IGLL5: variants seen among roughly 807,000 people sequenced by gnomAD.
IGLL5 encodes immunoglobulin lambda like polypeptide 5.
In IGLL5, 30 loss-of-function variants were observed where a neutral mutation model predicts 20.9. That is an observed-to-expected ratio of 1.44 (90% CI 1.07 to 1.95). The LOEUF is 1.95. Ranked by LOEUF, IGLL5 falls within the 30% of genes most tolerant of loss-of-function variation. The pLI is 0.00. For missense variants in IGLL5, 475 were observed against 270.7 expected (o/e 1.75, Z -5.30); for synonymous variants, 203 against 117.3 (o/e 1.73, Z -4.72).
chr22:22,890,374 G>A, intron 1 of IGLL5, among the ~76,000 whole-genome samples: 1 of 147,990 alleles, frequency 6.8e-6, no homozygotes, highest in East Asian at 2.1e-4. Context: ...TTTTGCAAAA[G>A]TAAGAGCCAT....
intron 1 of IGLL5, among the ~76,000 whole-genome samples, chr22:22,891,082 CTG>C (rs1270900166): frequency 6.6e-6 from 1 of 151,016 alleles, no homozygotes; most frequent in Non-Finnish European, 1.5e-5. Flanking sequence ...CACCATAAAA[CTG>C]TGGTAAATTT....
At chr22:22,888,923 T>G (rs186745993) in intron 1 of IGLL5, among the ~76,000 whole-genome samples, 5 of 151,152 alleles carry the variant, frequency 3.3e-5, no homozygotes, top group East Asian at 4.0e-4. Flanking sequence ...CACTGGCTGG[T>G]GATGGGTGCC....
At chr22:22,894,826 C>T (rs2066700162) in intron 2 of IGLL5, among the ~76,000 whole-genome samples, 1 of 151,376 alleles carries the variant, frequency 6.6e-6, no homozygotes, top group African/African-American at 2.4e-5. Flanking sequence ...CCACTCCTTG[C>T]CAGGAGAGCC....
chr22:22,888,498 TA>T (rs1159865737), intron 1 of IGLL5, among the ~76,000 whole-genome samples: 2 of 151,296 alleles, frequency 1.3e-5, no homozygotes, highest in Admixed American at 6.6e-5. Flanking sequence ...TGGCGCCACT[TA>T]AATTTTCACC....
rs552547394 is a variant in IGLL5 at position 22,888,627 on chromosome 22, C to A, written c.206+368C>A. On this transcript the variant is annotated intron_variant, in intron 1 of 2. Transcript: ENST00000526893. ...TCCCCACAGGGTGCCCAGGCCTGTT[C>A]CTCCCCCTCCTCCTCTCTGCCCATG... Among the ~76,000 whole-genome samples the A allele has an allele frequency of 4.6e-5, 7 of 151,086 alleles. 1 individual carries two copies. The highest frequency in any genetic ancestry group is 2.1e-4 in the East Asian group (1 of 4,856).
At chr22:22,889,122 C>T (rs2067688684) in intron 1 of IGLL5, among the ~76,000 whole-genome samples, 1 of 151,080 alleles carries the variant, frequency 6.6e-6, no homozygotes, top group South Asian at 2.1e-4. Flanking sequence ...AAAATCAGCA[C>T]CGGATTGGAG....
chr22:22,890,205 A>G (rs1569083364), intron 1 of IGLL5, among the ~76,000 whole-genome samples: 1 of 150,128 alleles, frequency 6.7e-6, no homozygotes, highest in African/African-American at 2.4e-5. Flanking sequence ...TATAAAGTAA[A>G]AGCAAGTGCT....
intron 1 of IGLL5, among the ~76,000 whole-genome samples, 167 bp downstream of exon 1, chr22:22,888,426 T>A (rs528392045): frequency 6.6e-6 from 1 of 151,398 alleles, no homozygotes; most frequent in African/African-American, 2.4e-5. Flanking sequence ...ATCACAGATT[T>A]GTTTGAATTA....
At position 22,896,102 on chromosome 22, in the gene IGLL5, G is replaced by C; in HGVS notation, c.*408G>C. Reference sequence around the variant, plus strand: ...TACTTCTCAATAAATACCTGATCATGTAAAACGCAGCATTTCTAATGTGCA... The same window carrying C: ...TACTTCTCAATAAATACCTGATCATCTAAAACGCAGCATTTCTAATGTGCA... On this transcript the variant is annotated 3_prime_UTR_variant, in exon 3 of 3. Coordinates refer to ENST00000526893, the MANE Select transcript of IGLL5 (RefSeq NM_001178126.2). 1 of 329,686 alleles carries C rather than the reference G, an allele frequency of 3.0e-6. No homozygotes were observed. Among genetic ancestry groups the C allele is most frequent in the Non-Finnish European group, 5.7e-6 (1 of 174,456 alleles). 20.4% of individuals were successfully genotyped at this position (329,686 alleles called of 1,614,324 possible). A position where few individuals can be genotyped will look rare whatever the true frequency, so the allele number is the denominator to read the frequency against.
In IGLL5 at chr22:22,896,032, C is replaced by T; in HGVS notation, c.*338C>T. 1.9e-5 allele frequency: 9 copies of T among 484,534 alleles called. No homozygotes were observed. In the South Asian group the frequency reaches 1.9e-4, roughly 10 times the overall value. 30.0% of individuals were successfully genotyped at this position (484,534 alleles called of 1,614,324 possible). On this transcript the variant is annotated 3_prime_UTR_variant, in exon 3 of 3. Coordinates refer to ENST00000526893, the MANE Select transcript of IGLL5 (RefSeq NM_001178126.2). ...AACTCTCCACTGTACCCCTGAGCTA[C>T]CAGTCTGGCATCAGTTCAGACCAGT...
Position 22,888,051 on chromosome 22 carries a change from C to T in IGLL5, c.-3C>T, listed in dbSNP as rs1247867993. 3.2e-6 allele frequency: 5 copies of T among 1,548,974 alleles called. No individual in the cohort carries two copies. The highest frequency in any genetic ancestry group is 4.4e-6 in the Non-Finnish European group (5 of 1,146,334). On this transcript the variant is annotated 5_prime_UTR_variant, in exon 1 of 3. Transcript: ENST00000526893. Reference sequence around the variant, plus strand: ...CCAGAGGTGCCCCTGAACCTGAAGGCCAATGAGACCCAAGACAGGCCAAGT... The same window carrying T: ...CCAGAGGTGCCCCTGAACCTGAAGGTCAATGAGACCCAAGACAGGCCAAGT...
At chr22:22,890,062 T>G (rs535619487) in intron 1 of IGLL5, among the ~76,000 whole-genome samples, 1 of 150,906 alleles carries the variant, frequency 6.6e-6, no homozygotes, top group African/African-American at 2.4e-5. Context: ...TTTCTTCTAA[T>G]ATAATTTTTA....
Position 22,889,427 on chromosome 22 carries a change from T to G in IGLL5, c.206+1168T>G. ...TATCTAAACTGGGCAATTCCACTTC[T>G]AGGAATTTATCCTAAGGGTTGGTTG... is the stretch of plus-strand genomic sequence containing the variant. On this transcript the variant is annotated intron_variant, in intron 1 of 2. Transcript: ENST00000526893. Among the ~76,000 whole-genome samples, 2 of 151,200 alleles carry G rather than the reference T, an allele frequency of 1.3e-5. 1 individual carries two copies. The highest frequency in any genetic ancestry group is 4.0e-4 in the East Asian group (2 of 4,958).
Position 22,895,686 on chromosome 22 carries a change from T to C in IGLL5, c.637T>C (p.Cys213Arg), listed in dbSNP as rs1293431683. 7 of 1,613,072 alleles carry C rather than the reference T, an allele frequency of 4.3e-6. No homozygotes were observed. The highest frequency in any genetic ancestry group is 5.9e-6 in the Non-Finnish European group (7 of 1,179,662). The change falls in exon 3 of 3, where the codon TGT becomes CGT. Residue 213 changes from cysteine (C) to arginine (R), a missense_variant. Transcript: ENST00000526893. ...GGAGAAGACAGTGGCCCCTACAGAA[T>C]GTTCATAGGTTCCCAACTCTAACCC... ...TVEKTVAPTE[C>R]S
In IGLL5 at chr22:22,889,640, T is replaced by C. The variant is rs531499366; in HGVS notation, c.206+1381T>C. ...TCTTGATCTGTTGCTCAGGCTGGAG[T>C]ACAGTGGCGTGGCCACAGCTCACTG... On this transcript the variant is annotated intron_variant, in intron 1 of 2. Transcript: ENST00000526893. Among the ~76,000 whole-genome samples the C allele has an allele frequency of 3.3e-5, 5 of 151,324 alleles. 1 individual carries two copies. Among genetic ancestry groups the C allele is most frequent in the South Asian group, 2.1e-4 (1 of 4,734 alleles).
intron 1 of IGLL5, among the ~76,000 whole-genome samples, chr22:22,890,312 AACACAC>A (rs372346670): frequency 6.8e-4 from 84 of 123,772 alleles, no homozygotes; most frequent in African/African-American, 1.8e-3. Flanking sequence ...TGTCCCTGAA[AACACAC>A]ACACACACAC....
chr22:22,895,051 G>A (rs957701976), intron 2 of IGLL5, among the ~76,000 whole-genome samples: 1 of 151,336 alleles, frequency 6.6e-6, no homozygotes, highest in African/African-American at 2.4e-5. Context: ...AGGGGTCAAG[G>A]CCAGATTCTA....
At position 22,895,451 on chromosome 22, in the gene IGLL5, A is replaced by G. The variant is rs541074383; in HGVS notation, c.402A>G (p.Leu134=). 6 of 1,612,466 alleles carry G rather than the reference A, an allele frequency of 3.7e-6. No homozygotes were observed. The highest frequency in any genetic ancestry group is 2.7e-5 in the African/African-American group (2 of 74,730). ...AGCTCCAAGCCAACAAGGCCACACT[A>G]GTGTGTCTGATCAGTGACTTCTACC... ...SEELQANKAT[L]VCLISDFYPG... Residue 134 remains leucine, a synonymous_variant, in exon 3 of 3, where the codon CTA becomes CTG. Coordinates refer to ENST00000526893, the MANE Select transcript of IGLL5 (RefSeq NM_001178126.2).
chr22:22,894,413 A>G (rs140442664), intron 2 of IGLL5, among the ~76,000 whole-genome samples: 7 of 151,362 alleles, frequency 4.6e-5, no homozygotes, highest in Middle Eastern at 3.8e-3. Context: ...ACACAGAGGG[A>G]CGGGTGAGAC....
Sources: gnomAD v4.1 joint callset for allele counts (sites outside exome capture counted in the v4.1 genomes callset) on GRCh38, gnomAD v4.1.1 for gene constraint, MANE v1.5 for transcripts, NCBI Gene and HGNC (gene_info 2026-07-23, HGNC 2026-07-21) for gene names.